ZYG11B: variants seen among roughly 807,000 people sequenced by gnomAD.
ZYG11B encodes the protein protein zyg-11 homolog B.
Under a neutral mutation model 82.4 loss-of-function variants are expected in ZYG11B, and 36 were observed. That is an observed-to-expected ratio of 0.44 (90% confidence interval 0.33 to 0.58). ZYG11B has a LOEUF of 0.58. ZYG11B is among the 20% of genes least tolerant of loss of function. ZYG11B has a pLI of 0.02. For missense variants in ZYG11B, 552 were observed against 895.6 expected (o/e 0.62, Z 4.90); for synonymous variants, 303 against 312.8 (o/e 0.97, Z 0.33).
At chr1:52,808,963 T>C (rs1363646516) in intron 10 of ZYG11B, among the ~76,000 whole-genome samples, 1 of 152,182 alleles carries the variant, frequency 6.6e-6, no homozygotes, top group Non-Finnish European at 1.5e-5. Flanking sequence ...TTTTTGTATC[T>C]TCCGTGTTAC....
rs547768336 is a variant in ZYG11B at position 52,744,698 on chromosome 1, C to T, written c.31-11760C>T. On this transcript the variant is annotated intron_variant, in intron 1 of 13. Coordinates refer to ENST00000294353, the MANE Select transcript of ZYG11B (RefSeq NM_024646.3). ...TCTACTAAAAATACAAAAAGTTAGC[C>T]GGGCATGGTGGCACGCGCCTGTAGT... Among the ~76,000 whole-genome samples, 185 of 152,204 alleles carry T rather than the reference C, an allele frequency of 1.2e-3. 1 individual carries two copies. Among genetic ancestry groups the T allele is most frequent in the Non-Finnish European group, 1.5e-3 (105 of 68,008 alleles).
intron 8 of ZYG11B, among the ~76,000 whole-genome samples, chr1:52,797,517 ATT>A (rs1206128120): frequency 2.1e-5 from 2 of 95,830 alleles, no homozygotes; most frequent in African/African-American, 3.4e-5. Context: ...ATATATATAT[ATT>A]TTTTTTTAGA....
intron 10 of ZYG11B, among the ~76,000 whole-genome samples, chr1:52,802,507 T>A (rs1167227578): frequency 6.6e-6 from 1 of 151,704 alleles, no homozygotes; most frequent in Non-Finnish European, 1.5e-5. Context: ...TGCACCACAA[T>A]GCCCAGCTAA....
chr1:52,812,527 C>T (rs947834044), intron 10 of ZYG11B, among the ~76,000 whole-genome samples: 1 of 151,972 alleles, frequency 6.6e-6, no homozygotes, highest in Non-Finnish European at 1.5e-5. Flanking sequence ...CTCAGCCTCC[C>T]GAGTAGCTGG....
chr1:52,817,799 A>ATATATG (rs1645244107), intron 13 of ZYG11B, among the ~76,000 whole-genome samples: 1 of 47,666 alleles, frequency 2.1e-5, no homozygotes, highest in African/African-American at 7.4e-5. Context: ...ATATATATAT[A>ATATATG]TATATATATA....
intron 2 of ZYG11B, 33 bp from the exon 3 acceptor site, chr1:52,770,987 T>A: frequency 1.3e-6 from 2 of 1,570,692 alleles, no homozygotes; most frequent in East Asian, 4.5e-5. Flanking sequence ...TTAACTGTTT[T>A]TTGAATTTAA....
In ZYG11B at chr1:52,726,651, T is replaced by C. The variant is rs1208595814; in HGVS notation, c.-3T>C. ...CCGCCGCCGCACCCAGGACGGAGGC[T>C]GCATGCCCGAGGACCAGGCCGGCGC... On this transcript the variant is annotated 5_prime_UTR_variant, in exon 1 of 14. Transcript: ENST00000294353. 6.8e-6 allele frequency: 10 copies of C among 1,474,682 alleles called. No homozygotes were observed. Among genetic ancestry groups the C allele is most frequent in the Non-Finnish European group, 8.9e-6 (10 of 1,119,834 alleles). 91.3% of individuals were successfully genotyped at this position (1,474,682 alleles called of 1,614,324 possible).
At chr1:52,816,900 TG>T (rs1176882157) in intron 13 of ZYG11B, among the ~76,000 whole-genome samples, 12 of 149,882 alleles carry the variant, frequency 8.0e-5, no homozygotes, top group Non-Finnish European at 1.0e-4. Flanking sequence ...GCGATTCTCC[TG>T]CCTCAGCCTC....
intron 10 of ZYG11B, among the ~76,000 whole-genome samples, chr1:52,806,969 A>G (rs1645146229): frequency 6.6e-6 from 1 of 151,984 alleles, no homozygotes; most frequent in South Asian, 2.1e-4. Flanking sequence ...CCCGGGTTCA[A>G]GTGATTCTCC....
chr1:52,784,319 C>T (rs961583569), intron 4 of ZYG11B, among the ~76,000 whole-genome samples: 1 of 151,890 alleles, frequency 6.6e-6, no homozygotes, highest in South Asian at 2.1e-4. Context: ...TTGTTTTATA[C>T]AGATGGGGTT....
At chr1:52,812,637 T>C (rs1030481094) in intron 10 of ZYG11B, among the ~76,000 whole-genome samples, 1 of 152,072 alleles carries the variant, frequency 6.6e-6, no homozygotes. Context: ...ACTCCTGACC[T>C]CAGGTGATCT....
chr1:52,802,318 A>G (rs764656856), intron 10 of ZYG11B, among the ~76,000 whole-genome samples, 179 bp downstream of exon 10: 2 of 150,724 alleles, frequency 1.3e-5, no homozygotes, highest in African/African-American at 4.9e-5. Flanking sequence ...ATGGTCTGCA[A>G]TAGCAATTTC....
At chr1:52,734,018 T>G (rs893797555) in intron 1 of ZYG11B, among the ~76,000 whole-genome samples, 19 of 152,138 alleles carry the variant, frequency 1.2e-4, no homozygotes, top group Admixed American at 4.6e-4. Flanking sequence ...TTTTTCATAG[T>G]GACAGGGTCT....
rs1645317452 is a variant in ZYG11B, at chr1:52,825,536, A to G, written c.*3907A>G. On this transcript the variant is annotated 3_prime_UTR_variant, in exon 14 of 14. Transcript: ENST00000294353. ...TATTTCATTTGCAAACTTCTACATA[A>G]TCAAGTTTTATGTTTAAAACCATCG... is the stretch of plus-strand genomic sequence containing the variant. 6.6e-6 allele frequency: 1 copy of G among 152,070 alleles called. No homozygotes were observed. Among genetic ancestry groups the G allele is most frequent in the Admixed American group, 6.6e-5 (1 of 15,226 alleles). 9.4% of individuals were successfully genotyped at this position (152,070 alleles called of 1,614,324 possible).
chr1:52,776,137 TGAACCC>T (rs1316929159), intron 3 of ZYG11B, among the ~76,000 whole-genome samples: 2 of 147,030 alleles, frequency 1.4e-5, no homozygotes, highest in Non-Finnish European at 3.0e-5. Flanking sequence ...GAGAATTGCT[TGAACCC>T]AGGAGGTGGA....
intron 8 of ZYG11B, among the ~76,000 whole-genome samples, chr1:52,801,254 C>G (rs938159804): frequency 6.6e-6 from 1 of 152,102 alleles, no homozygotes; most frequent in African/African-American, 2.4e-5. Flanking sequence ...TTATAGTCAA[C>G]ATAGACTAAT....
chr1:52,783,464 G>A lies in ZYG11B; in HGVS notation c.1093-1413G>A, dbSNP rs1280267114. ...AATAATTATCTAACATATACATGAA[G>A]GGATTTGTTTTACAAAGGACCCCAA... is the stretch of plus-strand genomic sequence containing the variant. On this transcript the variant is annotated intron_variant, in intron 4 of 13. Transcript: ENST00000294353. Among the ~76,000 whole-genome samples, 3 of 151,924 alleles carry A rather than the reference G, an allele frequency of 2.0e-5. No homozygotes were observed. The East Asian group carries it at 5.8e-4, about 29-fold the overall frequency.
At position 52,824,784 on chromosome 1, in the gene ZYG11B, G is replaced by T. The variant is rs998414203; in HGVS notation, c.*3155G>T. ...TCCTGAATCTGGCTAAAATACAGTG[G>T]ATGTATGTATTGGAATTATGAGGCA... On this transcript the variant is annotated 3_prime_UTR_variant, in exon 14 of 14. Coordinates refer to ENST00000294353, the MANE Select transcript of ZYG11B (RefSeq NM_024646.3). 1.3e-5 allele frequency: 2 copies of T among 152,124 alleles called. No homozygotes were observed. The highest frequency in any genetic ancestry group is 2.4e-5 in the African/African-American group (1 of 41,430). 9.4% of individuals were successfully genotyped at this position (152,124 alleles called of 1,614,324 possible).
At chr1:52,772,851 G>T (rs1260291131) in intron 3 of ZYG11B, among the ~76,000 whole-genome samples, 1 of 151,890 alleles carries the variant, frequency 6.6e-6, no homozygotes. Flanking sequence ...CTAATTTTTT[G>T]TATTTTTAGT....
Sources: gnomAD v4.1 joint callset for allele counts (sites outside exome capture counted in the v4.1 genomes callset) on GRCh38, gnomAD v4.1.1 for gene constraint, MANE v1.5 for transcripts, NCBI Gene and HGNC (gene_info 2026-07-23, HGNC 2026-07-21) for gene names.